The following VGLL1 variants were observed in gnomAD, a reference collection of about 807,000 sequenced individuals.
VGLL1 encodes transcription cofactor vestigial-like protein 1.
VGLL1 carries 4 observed loss-of-function variants against 12.0 expected under a neutral mutation model. The observed-to-expected ratio is 0.33, with a 90% confidence interval of 0.16 to 0.76. VGLL1 has a LOEUF of 0.76. Ranked by LOEUF, VGLL1 falls within the 30% of genes least tolerant of loss-of-function variation. The pLI is 0.60. For missense variants in VGLL1, 204 were observed against 208.7 expected (o/e 0.98, Z 0.14); for synonymous variants, 87 against 81.2 (o/e 1.07, Z -0.39).
intron 1 of VGLL1, 53 bp from the exon 2 acceptor site, chrX:136,535,943 C>T (rs928460761): frequency 3.8e-6 from 4 of 1,056,429 alleles, no homozygotes; most frequent in Non-Finnish European, 3.9e-6. Context: ...ACCCAAACCA[C>T]AGCCAAGCCA....
At chrX:136,545,767 G>A (rs2075868057) in intron 2 of VGLL1, among the ~76,000 whole-genome samples, 1 of 111,628 alleles carries the variant, frequency 9.0e-6, no homozygotes, top group Non-Finnish European at 1.9e-5. Context: ...AGTGCCTGAA[G>A]ATGTTTTCTA....
At chrX:136,547,522 G>A (rs772847407) in intron 2 of VGLL1, among the ~76,000 whole-genome samples, 1 of 111,800 alleles carries the variant, frequency 8.9e-6, no homozygotes, top group South Asian at 3.7e-4. Context: ...ATTACTTATC[G>A]TTCCAGCTCA....
Position 136,556,486 on chromosome X carries a change from C to T in VGLL1, c.724C>T (p.Leu242Phe), listed in dbSNP as rs772479081. Reference sequence around the variant, plus strand: ...GTTAGAGACACCTGGGAAATACTCACTTACACCACCAAACCACTGGGGCCA... The same window carrying T: ...GTTAGAGACACCTGGGAAATACTCATTTACACCACCAAACCACTGGGGCCA... Reference protein sequence around the residue: ...SELETPGKYSLTPPNHWGHPH... With the variant: ...SELETPGKYSFTPPNHWGHPH... Residue 242 changes from leucine (L) to phenylalanine (F), a missense_variant, in exon 5 of 5, where the codon CTT becomes TTT. Physicochemically the swap from Leu to Phe is conservative, Grantham distance 22 (BLOSUM62 0). Coordinates refer to ENST00000370634, the MANE Select transcript of VGLL1 (RefSeq NM_016267.4). The T allele has an allele frequency of 8.3e-7, 1 of 1,211,568 alleles. No homozygotes were observed. Among genetic ancestry groups the T allele is most frequent in the East Asian group, 3.0e-5 (1 of 33,861 alleles).
chrX:136,532,625 CTTTCTTTCTTTCT>C (rs1250315698), intron 1 of VGLL1, among the ~76,000 whole-genome samples: 2 of 93,639 alleles, frequency 2.1e-5, no homozygotes, highest in Non-Finnish European at 4.2e-5. Flanking sequence ...TTCTTTCTTT[CTTTCTTTCTTTCT>C]TTCTTTCTTT....
chrX:136,536,170 C>T lies in VGLL1; in HGVS notation c.150C>T (p.Ser50=). 8.3e-7 allele frequency: 1 copy of T among 1,211,224 alleles called. No individual in the cohort carries two copies. Among genetic ancestry groups the T allele is most frequent in the Non-Finnish European group, 1.1e-6 (1 of 895,368 alleles). ...VVDEHFSRAL[S]NIKSPQELTP... is the part of the protein sequence containing the mutation. Reference sequence around the variant, plus strand: ...ATGAACACTTCTCCAGAGCTCTGAGCAATATCAAGAGCCCCCAGGAATTGA... The same window carrying T: ...ATGAACACTTCTCCAGAGCTCTGAGTAATATCAAGAGCCCCCAGGAATTGA... The change falls in exon 2 of 5, where the codon AGC becomes AGT. Residue 50 remains serine (S), a synonymous_variant. Transcript: ENST00000370634.
intron 2 of VGLL1, among the ~76,000 whole-genome samples, chrX:136,545,125 C>T (rs911633916): frequency 8.9e-6 from 1 of 112,244 alleles, no homozygotes; most frequent in Non-Finnish European, 1.9e-5. Context: ...AATCTCATAA[C>T]AGTCTCAGAG....
chrX:136,553,846 A>G (rs943393581), intron 4 of VGLL1, among the ~76,000 whole-genome samples: 1 of 111,947 alleles, frequency 8.9e-6, no homozygotes, highest in African/African-American at 3.2e-5. Flanking sequence ...GAGTCATCAG[A>G]GCCAAAAGGG....
chrX:136,539,815 G>A (rs972737296), intron 2 of VGLL1, among the ~76,000 whole-genome samples: 14 of 111,544 alleles, frequency 1.3e-4, no homozygotes, highest in African/African-American at 4.6e-4. Context: ...TGCCTAATAG[G>A]AAACTCAAAC....
At chrX:136,533,039 C>T (rs1451580063) in intron 1 of VGLL1, among the ~76,000 whole-genome samples, 1 of 111,423 alleles carries the variant, frequency 9.0e-6, no homozygotes, top group African/African-American at 3.3e-5. Flanking sequence ...ATGGAGGGCT[C>T]ATTTGAGGAT....
At chrX:136,552,418 G>A (rs1272600789) in intron 4 of VGLL1, among the ~76,000 whole-genome samples, 3 of 111,850 alleles carry the variant, frequency 2.7e-5, no homozygotes, top group African/African-American at 9.8e-5. Context: ...CAAGGATTGT[G>A]GTGTTTCCTG....
Position 136,556,746 on chromosome X carries a change from G to T in VGLL1, c.*207G>T. The T allele has an allele frequency of 2.6e-6, 1 of 378,129 alleles. No homozygotes were observed. Among genetic ancestry groups the T allele is most frequent in the Non-Finnish European group, 4.6e-6 (1 of 217,856 alleles). 31.2% of individuals were successfully genotyped at this position (378,129 alleles called of 1,213,427 possible). A position where few individuals can be genotyped will look rare whatever the true frequency, so the allele number is the denominator to read the frequency against. On this transcript the variant is annotated 3_prime_UTR_variant, in exon 5 of 5. Coordinates refer to ENST00000370634, the MANE Select transcript of VGLL1 (RefSeq NM_016267.4). ...AATGTTCCCCATCCACACCCTGCTT[G>T]CTCCTGTGTAACAGCTCAGATGATG...
intron 1 of VGLL1, among the ~76,000 whole-genome samples, chrX:136,532,617 CTTT>C (rs2075826858): frequency 1.1e-5 from 1 of 91,245 alleles, no homozygotes; most frequent in African/African-American, 4.1e-5. Flanking sequence ...TTCTTTCTTT[CTTT>C]CTTTCTTTCT....
intron 2 of VGLL1, among the ~76,000 whole-genome samples, chrX:136,540,610 A>C (rs1447989020): frequency 4.5e-5 from 5 of 111,438 alleles, no homozygotes; most frequent in African/African-American, 1.3e-4. Flanking sequence ...GGCACATTAT[A>C]TGTTGTATTT....
chrX:136,551,021 C>T (rs771995007), intron 4 of VGLL1, 200 bp downstream of exon 4: 3 of 355,617 alleles, frequency 8.4e-6, no homozygotes, highest in Non-Finnish European at 1.5e-5. Context: ...AGAGTATATG[C>T]ACTTCCTATC....
chrX:136,541,651 C>G (rs1039525703), intron 2 of VGLL1, among the ~76,000 whole-genome samples: 68 of 111,893 alleles, frequency 6.1e-4, no homozygotes, highest in African/African-American at 2.1e-3. Context: ...AGACCAGCAC[C>G]AGGCCGTCCA....
chrX:136,548,808 G>T lies in VGLL1; in HGVS notation c.434G>T (p.Gly145Val). ...SLAGTSSLEP[G>V]YSHPFPARHL... ...GCGGGCACCAGCTCCTTAGAGCCTG[G>T]CTACTCTCATCCCTTCCCCGCTCGG... is the stretch of plus-strand genomic sequence containing the variant. Residue 145 changes from glycine to valine, a missense_variant, in exon 3 of 5, where the codon GGC becomes GTC. Gly to Val is a moderately radical substitution (Grantham distance 109, BLOSUM62 -3). Transcript: ENST00000370634. The T allele has an allele frequency of 1.7e-6, 2 of 1,212,092 alleles. No homozygotes were observed. The highest frequency in any genetic ancestry group is 2.2e-6 in the Non-Finnish European group (2 of 895,608).
At chrX:136,543,435 T>C (rs1484016375) in intron 2 of VGLL1, among the ~76,000 whole-genome samples, 3 of 111,843 alleles carry the variant, frequency 2.7e-5, no homozygotes, top group Non-Finnish European at 5.6e-5. Context: ...ACTTTCACAG[T>C]GCAAAGTGTG....
chrX:136,533,044 G>C (rs3027856), intron 1 of VGLL1, among the ~76,000 whole-genome samples: 14,813 of 111,024 alleles, frequency 0.13, 1,823 homozygotes, highest in African/African-American at 0.4. Flanking sequence ...GGGCTCATTT[G>C]AGGATGAAGC....
intron 2 of VGLL1, among the ~76,000 whole-genome samples, chrX:136,542,852 T>C (rs1334797840): frequency 2.7e-5 from 3 of 111,841 alleles, no homozygotes; most frequent in Non-Finnish European, 5.6e-5. Context: ...CTATAAGGAC[T>C]ATCGCTAATA....
Sources: allele counts gnomAD v4.1 joint callset (sites outside exome capture counted in the v4.1 genomes callset), GRCh38; gene constraint gnomAD v4.1.1; transcripts MANE v1.5; gene names NCBI Gene and HGNC (gene_info 2026-07-23, HGNC 2026-07-21).